Variants in CUX2 observed in about 807,000 individuals in gnomAD.
CUX2 encodes cut like homeobox 2, also known as homeobox protein cut-like 2.
Under a neutral mutation model 144.8 loss-of-function variants are expected in CUX2, and 40 were observed. The ratio of observed to expected loss-of-function variants is 0.28; its 90% CI spans 0.21 to 0.36. The LOEUF is 0.36. CUX2 is among the 10% of genes least tolerant of loss of function. The pLI is 1.00. For missense variants in CUX2, 1,615 were observed against 1,994.0 expected (o/e 0.81, Z 3.62); for synonymous variants, 827 against 875.6 (o/e 0.94, Z 0.98).
At chr12:111,113,810 G>C (rs1197695188) in intron 1 of CUX2, among the ~76,000 whole-genome samples, 3 of 152,214 alleles carry the variant, frequency 2.0e-5, no homozygotes, top group African/African-American at 7.2e-5. Flanking sequence ...ACCTACCTCA[G>C]CTTCCCAAAG....
intron 1 of CUX2, among the ~76,000 whole-genome samples, chr12:111,103,424 G>A (rs926825033): frequency 2.0e-5 from 3 of 152,298 alleles, no homozygotes; most frequent in Non-Finnish European, 2.9e-5. Flanking sequence ...CTCTCAACTC[G>A]AAGACCAGGG....
chr12:111,251,574 A>G (rs1212326073), intron 3 of CUX2, among the ~76,000 whole-genome samples: 1 of 152,192 alleles, frequency 6.6e-6, no homozygotes, highest in African/African-American at 2.4e-5. Context: ...CACTCGCGGT[A>G]TCTCCGGGAG....
At chr12:111,046,688 G>A (rs1008410058) in intron 1 of CUX2, among the ~76,000 whole-genome samples, 3 of 152,016 alleles carry the variant, frequency 2.0e-5, no homozygotes, top group Non-Finnish European at 1.5e-5. Flanking sequence ...ACAGAGTCTG[G>A]CTCTGTCGCC....
intron 1 of CUX2, among the ~76,000 whole-genome samples, chr12:111,206,065 T>C (rs547858355): frequency 2.0e-5 from 3 of 152,304 alleles, no homozygotes; most frequent in Admixed American, 1.3e-4. Context: ...ACAAGTGTAG[T>C]TGGTGCACAC....
At position 111,296,552 on chromosome 12, in the gene CUX2, T is replaced by C; in HGVS notation, c.704+13T>C. On this transcript the variant is annotated intron_variant, in intron 8 of 21. Transcript: ENST00000261726. ...AGGCAGCATCCAAGTAAGTGAGCCC[T>C]GCTGAGGTGTACCTCCTCCCTTGGA... 6.2e-7 allele frequency: 1 copy of C among 1,607,194 alleles called. No individual in the cohort carries two copies.
intron 1 of CUX2, among the ~76,000 whole-genome samples, chr12:111,197,881 G>T (rs556302919): frequency 6.6e-6 from 1 of 152,160 alleles, no homozygotes; most frequent in Non-Finnish European, 1.5e-5. Flanking sequence ...AAAACATCAG[G>T]ATGTGCTCAC....
chr12:111,186,777 T>G lies in CUX2; in HGVS notation c.64-27423T>G. On this transcript the variant is annotated intron_variant, in intron 1 of 21. Coordinates refer to ENST00000261726, the MANE Select transcript of CUX2 (RefSeq NM_015267.4). This position sits in a 1 kb window ranked among gnomAD's most constrained non-coding sequence, Gnocchi z 4.4. The stretch of plus-strand genomic sequence containing the variant: ...CAGGTATTAAAATCGATATGATGTG[T>G]GTATGTTTTTTTTTTTTTTGAGACA... 7.3e-6 allele frequency among the ~76,000 whole-genome samples: 1 copy of G among 137,284 alleles called. No homozygotes were observed. The highest frequency in any genetic ancestry group is 2.4e-4 in the East Asian group (1 of 4,170). 90.1% of individuals were successfully genotyped at this position (137,284 alleles called of 152,430 possible). A position where few individuals can be genotyped will look rare whatever the true frequency, so the allele number is the denominator to read the frequency against.
intron 1 of CUX2, among the ~76,000 whole-genome samples, chr12:111,159,123 G>C (rs1246113563): frequency 6.6e-6 from 1 of 152,222 alleles, no homozygotes; most frequent in East Asian, 1.9e-4. Context: ...GCCCAACCCA[G>C]CTTCTCCTGC....
In CUX2 at chr12:111,034,867, G is replaced by A. The variant is rs1320747766; in HGVS notation, c.63+627G>A. Among the ~76,000 whole-genome samples, 1 of 149,080 alleles carries A rather than the reference G, an allele frequency of 6.7e-6. No homozygotes were observed. Among genetic ancestry groups the A allele is most frequent in the Non-Finnish European group, 1.5e-5 (1 of 66,980 alleles). ...GACGCGCCGCCACCCGGGGGCCGCC[G>A]CCGCCGCCGCCAGAGCCGCCGCCGC... On this transcript the variant is annotated intron_variant, in intron 1 of 21. Coordinates refer to ENST00000261726, the MANE Select transcript of CUX2 (RefSeq NM_015267.4). This position sits in a 1 kb window ranked among gnomAD's most constrained non-coding sequence, Gnocchi z 4.2.
In CUX2 at chr12:111,178,971, A is replaced by G. The variant is rs1341951380; in HGVS notation, c.64-35229A>G. On this transcript the variant is annotated intron_variant, in intron 1 of 21. Coordinates refer to ENST00000261726, the MANE Select transcript of CUX2 (RefSeq NM_015267.4). This position sits in a 1 kb window ranked among gnomAD's most constrained non-coding sequence, Gnocchi z 5.7. ...GCAGGGCTGAGAGAGGCCTGGGAGC[A>G]GACTGTGCAGGACCACACAGGGCCT... Among the ~76,000 whole-genome samples, 7 of 152,196 alleles carry G rather than the reference A, an allele frequency of 4.6e-5. No homozygotes were observed. The highest frequency in any genetic ancestry group is 7.3e-5 in the Non-Finnish European group (5 of 68,032).
chr12:111,227,941 G>A (rs1390184184), intron 3 of CUX2, among the ~76,000 whole-genome samples: 2 of 152,164 alleles, frequency 1.3e-5, no homozygotes, highest in Non-Finnish European at 2.9e-5. Context: ...CCTCATGGGA[G>A]AGACAGATGG....
intron 1 of CUX2, among the ~76,000 whole-genome samples, chr12:111,054,936 C>T (rs61092775): frequency 0.04 from 6,027 of 152,166 alleles, 413 homozygotes; most frequent in African/African-American, 0.14. Flanking sequence ...CCTAGACACT[C>T]TTAATATTCC....
At chr12:111,166,958 G>A (rs1051305974) in intron 1 of CUX2, among the ~76,000 whole-genome samples, 3 of 152,194 alleles carry the variant, frequency 2.0e-5, no homozygotes, top group Non-Finnish European at 2.9e-5. Flanking sequence ...GTTTGGAGGC[G>A]GTGGGAATTA....
At chr12:111,062,950 CAG>C (rs1566196024) in intron 1 of CUX2, among the ~76,000 whole-genome samples, 1 of 152,104 alleles carries the variant, frequency 6.6e-6, no homozygotes, top group Non-Finnish European at 1.5e-5. Context: ...GTCTGAGAAG[CAG>C]GGGACAGGGC....
intron 1 of CUX2, among the ~76,000 whole-genome samples, chr12:111,158,685 A>T (rs1050804659): frequency 6.6e-6 from 1 of 152,166 alleles, no homozygotes; most frequent in Non-Finnish European, 1.5e-5. Context: ...AAACAAAAAA[A>T]TCCTTTAGGA....
At chr12:111,313,211 GCCA>G (rs1348070660) in intron 16 of CUX2, among the ~76,000 whole-genome samples, 2 of 147,560 alleles carry the variant, frequency 1.4e-5, no homozygotes, top group Admixed American at 1.3e-4. Context: ...ACACGCACGC[GCCA>G]CCACACCTGG....
chr12:111,095,363 G>A (rs934205225), intron 1 of CUX2, among the ~76,000 whole-genome samples: 7 of 152,174 alleles, frequency 4.6e-5, no homozygotes, highest in Non-Finnish European at 1.0e-4. Flanking sequence ...GGAGGCTGAG[G>A]TGGGAGGATT....
rs992222375 is a variant in CUX2 at position 111,171,270 on chromosome 12, C to T, written c.64-42930C>T. On this transcript the variant is annotated intron_variant, in intron 1 of 21. Transcript: ENST00000261726. The surrounding 1 kb of genome is among the most constrained non-coding windows in gnomAD (Gnocchi z 5.0). ...CACACCTTGACCTTGTTGGCAAGCCCGATCTGCAGGTCATCAGTTTGCAGT... is the reference window on the plus strand; with the variant it reads ...CACACCTTGACCTTGTTGGCAAGCCTGATCTGCAGGTCATCAGTTTGCAGT... Among the ~76,000 whole-genome samples the T allele has an allele frequency of 2.0e-5, 3 of 152,134 alleles. No homozygotes were observed. The highest frequency in any genetic ancestry group is 1.5e-5 in the Non-Finnish European group (1 of 68,032).
intron 1 of CUX2, among the ~76,000 whole-genome samples, chr12:111,121,075 AGC>A: frequency 6.7e-6 from 1 of 150,272 alleles, no homozygotes. Context: ...TTCAGACATA[AGC>A]AAATTGTCTT....
Sources: allele counts gnomAD v4.1 joint callset (sites outside exome capture counted in the v4.1 genomes callset), GRCh38; gene constraint gnomAD v4.1.1; non-coding constraint Gnocchi (gnomAD v3.1); transcripts MANE v1.5; gene names NCBI Gene and HGNC (gene_info 2026-07-23, HGNC 2026-07-21).